The following ROBO2 variants were observed in gnomAD, a reference collection of about 807,000 sequenced individuals.
ROBO2 encodes roundabout guidance receptor 2.
A neutral mutation model predicts 160.8 loss-of-function variants in ROBO2; 53 were observed. The ratio of observed to expected loss-of-function variants is 0.33; its 90% CI spans 0.26 to 0.41. The LOEUF (loss-of-function observed/expected upper bound fraction) is 0.41, where lower values mean the gene tolerates loss of function less well. Among genes scored for constraint, ROBO2 ranks in the 10% least tolerant of loss-of-function variants. The pLI, the probability that ROBO2 is intolerant of heterozygous loss-of-function variation, is 1.00. For synonymous variants in ROBO2, 664 were observed against 611.7 expected, an observed-to-expected ratio of 1.09 and a Z score of -1.26; for missense variants, 1,577 against 1,722.4, an observed-to-expected ratio of 0.92 and a Z score of 1.49.
At chr3:77,136,319 AT>A (rs1438108793) in intron 2 of ROBO2, among the ~76,000 whole-genome samples, 2 of 152,036 alleles carry the variant, frequency 1.3e-5, no homozygotes, top group Non-Finnish European at 2.9e-5. Flanking sequence ...CTGACTTAAG[AT>A]TTTTATAAAT....
chr3:76,088,961 A>G (rs183255175), intron 2 of ROBO2, among the ~76,000 whole-genome samples: 1 of 151,976 alleles, frequency 6.6e-6, no homozygotes, highest in Non-Finnish European at 1.5e-5. Flanking sequence ...AGAGAGAGAG[A>G]ATGAGAGAGA....
intron 1 of ROBO2, among the ~76,000 whole-genome samples, chr3:75,935,737 T>C (rs933422796): frequency 1.3e-5 from 2 of 152,146 alleles, no homozygotes; most frequent in African/African-American, 4.8e-5. Context: ...ACAAGACATC[T>C]TTTTTTCCCT....
intron 2 of ROBO2, among the ~76,000 whole-genome samples, chr3:77,419,092 A>G (rs764473938): frequency 4.6e-5 from 7 of 152,128 alleles, no homozygotes; most frequent in Non-Finnish European, 7.4e-5. Context: ...TTGAAAAATA[A>G]TAGTTTCTCA....
At chr3:77,233,896 AAT>A (rs1404528965) in intron 2 of ROBO2, among the ~76,000 whole-genome samples, 1 of 152,172 alleles carries the variant, frequency 6.6e-6, no homozygotes. Flanking sequence ...ACAGCATACA[AAT>A]ATATATGTTA....
At chr3:77,249,795 A>G (rs1249891398) in intron 2 of ROBO2, among the ~76,000 whole-genome samples, 1 of 151,818 alleles carries the variant, frequency 6.6e-6, no homozygotes, top group Non-Finnish European at 1.5e-5. Context: ...AAATTTGAAT[A>G]TAGCTACTAT....
At chr3:76,723,119 T>C (rs773990066) in intron 2 of ROBO2, among the ~76,000 whole-genome samples, 1 of 152,178 alleles carries the variant, frequency 6.6e-6, no homozygotes, top group African/African-American at 2.4e-5. Flanking sequence ...CCTTGTGTTA[T>C]ACAATTTTTC....
At chr3:77,352,526 G>A (rs1384787449) in intron 2 of ROBO2, among the ~76,000 whole-genome samples, 1 of 152,012 alleles carries the variant, frequency 6.6e-6, no homozygotes, top group Non-Finnish European at 1.5e-5. Flanking sequence ...GCAAGGCTAC[G>A]ACATGCTTTT....
At chr3:76,587,571 C>T (rs1221569012) in intron 2 of ROBO2, among the ~76,000 whole-genome samples, 2 of 152,128 alleles carry the variant, frequency 1.3e-5, no homozygotes, top group African/African-American at 4.8e-5. Flanking sequence ...CAATCATTAT[C>T]ACGAGAACAG....
intron 2 of ROBO2, among the ~76,000 whole-genome samples, chr3:76,514,446 A>C (rs1250282473): frequency 6.6e-6 from 1 of 152,322 alleles, no homozygotes; most frequent in East Asian, 1.9e-4. Context: ...TCAGAAAATC[A>C]CAGTAACTGT....
At chr3:76,787,478 T>C (rs778523587) in intron 2 of ROBO2, among the ~76,000 whole-genome samples, 1 of 151,132 alleles carries the variant, frequency 6.6e-6, no homozygotes, top group Non-Finnish European at 1.5e-5. Context: ...AGGTTTAAAT[T>C]TGTTTCTGAA....
intron 2 of ROBO2, among the ~76,000 whole-genome samples, chr3:77,204,939 T>C (rs1194453469): frequency 6.6e-6 from 1 of 152,182 alleles, no homozygotes; most frequent in Non-Finnish European, 1.5e-5. Context: ...AGCTCCCCTG[T>C]TCAGTTGCTG....
chr3:77,459,767 G>A (rs1232232100), intron 2 of ROBO2, among the ~76,000 whole-genome samples: 1 of 152,018 alleles, frequency 6.6e-6, no homozygotes, highest in Admixed American at 6.6e-5. Flanking sequence ...ACTAAATAAT[G>A]TAGAAACAAG....
intron 2 of ROBO2, among the ~76,000 whole-genome samples, chr3:77,296,584 T>A (rs909859003): frequency 6.6e-6 from 1 of 152,144 alleles, no homozygotes. Context: ...TCTAATTTAA[T>A]TGTTCAGTGT....
chr3:76,833,418 T>G (rs968695325), intron 2 of ROBO2, among the ~76,000 whole-genome samples: 3 of 152,122 alleles, frequency 2.0e-5, no homozygotes, highest in Non-Finnish European at 2.9e-5. Context: ...TTGAGAGAGA[T>G]AAAAGTTTGT....
Position 76,506,289 on chromosome 3 carries a change from A to G in ROBO2, c.109+568687A>G, listed in dbSNP as rs577354006. Among the ~76,000 whole-genome samples, 6 of 152,300 alleles carry G rather than the reference A, an allele frequency of 3.9e-5. No individual in the cohort carries two copies. In the South Asian group the frequency reaches 1.2e-3, roughly 32 times the overall value. On this transcript the variant is annotated intron_variant, in intron 2 of 26. Coordinates refer to the ROBO2 transcript ENST00000487694. ...AGTCCAAGATCGAGTTGCCAGCAGTAAAAGTGTCCTGTGAGGGCTGCTTTC... is the reference window on the plus strand; with the variant it reads ...AGTCCAAGATCGAGTTGCCAGCAGTGAAAGTGTCCTGTGAGGGCTGCTTTC...
At chr3:76,288,630 G>C (rs139064155) in intron 2 of ROBO2, among the ~76,000 whole-genome samples, 1 of 151,856 alleles carries the variant, frequency 6.6e-6, no homozygotes, top group South Asian at 2.1e-4. Flanking sequence ...TTCAATCTTC[G>C]CTCTCATCCC....
At chr3:76,776,216 A>G (rs2062243784) in intron 2 of ROBO2, among the ~76,000 whole-genome samples, 1 of 150,944 alleles carries the variant, frequency 6.6e-6, no homozygotes, top group African/African-American at 2.4e-5. Flanking sequence ...TATAGTTAAA[A>G]ACTATCTTAG....
intron 2 of ROBO2, among the ~76,000 whole-genome samples, chr3:76,152,859 C>T (rs879283455): frequency 2.0e-5 from 3 of 152,112 alleles, no homozygotes; most frequent in Admixed American, 1.3e-4. Context: ...TTCCATTTTA[C>T]ATTTGGAAAA....
chr3:76,686,437 A>G (rs2092687132), intron 2 of ROBO2, among the ~76,000 whole-genome samples: 1 of 148,648 alleles, frequency 6.7e-6, no homozygotes, highest in Admixed American at 6.6e-5. Flanking sequence ...TCATACACCA[A>G]CAATCCTAAT....
Sources: allele counts gnomAD v4.1 joint callset (sites outside exome capture counted in the v4.1 genomes callset), GRCh38; gene constraint gnomAD v4.1.1; transcripts MANE v1.5; gene names NCBI Gene and HGNC (gene_info 2026-07-23, HGNC 2026-07-21).